NRXN1: variants seen among roughly 807,000 people sequenced by gnomAD.
NRXN1 encodes neurexin 1, also known as neurexin-1.
A neutral mutation model predicts 150.9 loss-of-function variants in NRXN1; 39 were observed. That is an observed-to-expected ratio of 0.26 (90% CI 0.20 to 0.34). NRXN1 has a LOEUF of 0.34. Ranked by LOEUF, NRXN1 falls within the 10% of genes least tolerant of loss-of-function variation. The probability of loss-of-function intolerance (pLI) is 1.00; values close to 1 mark genes in which losing one functional copy is unlikely to be tolerated. For synonymous variants in NRXN1, 924 were observed against 757.0 expected (o/e 1.22, Z -3.62); for missense variants, 1,815 against 1,949.9 (o/e 0.93, Z 1.30).
rs750648376 is a variant in NRXN1, at chr2:50,091,508, G to A, written c.3547-14C>T. On this transcript the variant is annotated splice_polypyrimidine_tract_variant and intron_variant, in intron 18 of 22. Coordinates refer to ENST00000401669, the MANE Select transcript of NRXN1 (RefSeq NM_001330078.2). ...TTTTCCCTGGTGCTGTAAGAGAGGA[G>A]GGGAAAAAAGAGTTGAATTAAGTTG... 7 of 1,613,490 alleles carry A rather than the reference G, an allele frequency of 4.3e-6. No individual in the cohort carries two copies. In the South Asian group the frequency reaches 4.4e-5, roughly 10 times the overall value.
rs201877009 is a variant in NRXN1 at position 51,018,951 on chromosome 2, T to C, written c.772+8551A>G. ...AAAGGAAGCAAATAAACAAGCGTTA[T>C]GAAAACAAAGAGTGATGAATTCTGA... On this transcript the variant is annotated intron_variant, in intron 2 of 22. Transcript: ENST00000401669. 4.6e-5 allele frequency among the ~76,000 whole-genome samples: 7 copies of C among 152,094 alleles called. No homozygotes were observed. In the East Asian group the frequency reaches 1.4e-3, roughly 29 times the overall value.
intron 17 of NRXN1, among the ~76,000 whole-genome samples, chr2:50,388,858 G>A (rs527810880): frequency 1.3e-5 from 2 of 150,990 alleles, no homozygotes; most frequent in Non-Finnish European, 2.9e-5. Flanking sequence ...TTATGCAACA[G>A]CAAAGTAAAA....
chr2:50,155,777 T>C (rs917566908), intron 18 of NRXN1, among the ~76,000 whole-genome samples: 1 of 151,592 alleles, frequency 6.6e-6, no homozygotes, highest in Non-Finnish European at 1.5e-5. Context: ...ATAAGTATGG[T>C]GTATTCATAT....
chr2:50,329,674 T>TA (rs1491185055), intron 17 of NRXN1, among the ~76,000 whole-genome samples: 38 of 11,380 alleles, frequency 3.3e-3, no homozygotes, highest in Non-Finnish European at 4.2e-3. Flanking sequence ...TATATATATA[T>TA]TTTTTTTTTT....
intron 17 of NRXN1, among the ~76,000 whole-genome samples, chr2:50,249,045 T>C (rs1320116456): frequency 6.6e-6 from 1 of 150,434 alleles, no homozygotes; most frequent in African/African-American, 2.5e-5. Flanking sequence ...TAGTCCTAGC[T>C]ACTTGGGAGG....
At position 50,403,829 on chromosome 2, in the gene NRXN1, T is replaced by G. The variant is rs1254418662; in HGVS notation, c.3364+61613A>C. On this transcript the variant is annotated intron_variant, in intron 17 of 22. Coordinates refer to ENST00000401669, the MANE Select transcript of NRXN1 (RefSeq NM_001330078.2). Reference sequence around the variant, plus strand: ...TTAGAAGAGATTTTAGAAAATAGACTCAAGTCTAAGCAGACGTTTGAAAAA... The same window carrying G: ...TTAGAAGAGATTTTAGAAAATAGACGCAAGTCTAAGCAGACGTTTGAAAAA... Among the ~76,000 whole-genome samples, 3 of 152,186 alleles carry G rather than the reference T, an allele frequency of 2.0e-5. No individual in the cohort carries two copies. The East Asian group carries it at 5.8e-4, about 29-fold the overall frequency.
intron 12 of NRXN1, among the ~76,000 whole-genome samples, chr2:50,509,402 C>T (rs1418480940): frequency 2.6e-5 from 4 of 152,170 alleles, no homozygotes; most frequent in South Asian, 2.1e-4. Context: ...AATACAATGT[C>T]TATCTAGGGA....
intron 5 of NRXN1, among the ~76,000 whole-genome samples, chr2:50,842,698 G>A (rs942585776): frequency 9.2e-5 from 14 of 152,114 alleles, no homozygotes; most frequent in African/African-American, 2.4e-5. Flanking sequence ...GTACATAAAT[G>A]ACCCCCAAAG....
Position 50,657,048 on chromosome 2 carries a change from CAAT to C in NRXN1, c.833-33436_833-33434del, listed in dbSNP as rs761540877. 1.2e-4 allele frequency among the ~76,000 whole-genome samples: 19 copies of C among 152,064 alleles called. No individual in the cohort carries two copies. The East Asian group carries it at 3.5e-3, about 28-fold the overall frequency. ...AAAAACTCTAAAGAAACATAGAAAACAATAACAACAACTTGTGTGGTTTCTCGT... is the reference window on the plus strand; with the variant it reads ...AAAAACTCTAAAGAAACATAGAAAACAACAACAACTTGTGTGGTTTCTCGT... On this transcript the variant is annotated intron_variant, in intron 5 of 22. Transcript: ENST00000401669.
chr2:50,345,343 C>A (rs1490930371), intron 17 of NRXN1, among the ~76,000 whole-genome samples: 2 of 152,106 alleles, frequency 1.3e-5, no homozygotes, highest in African/African-American at 4.8e-5. Context: ...AGGTGGGAAA[C>A]CCCCACCCCA....
Position 50,900,641 on chromosome 2 carries a change from T to C in NRXN1, c.832+21228A>G, listed in dbSNP as rs558458654. ...ATTAAAAGTAAAATTATTAAATAAATAGGGCTCTTCAATAGTAGGAAAATA... is the reference window on the plus strand; with the variant it reads ...ATTAAAAGTAAAATTATTAAATAAACAGGGCTCTTCAATAGTAGGAAAATA... On this transcript the variant is annotated intron_variant, in intron 5 of 22. Transcript: ENST00000401669. Among the ~76,000 whole-genome samples the C allele has an allele frequency of 5.8e-4, 88 of 152,212 alleles. 1 individual carries two copies. The highest frequency in any genetic ancestry group is 5.2e-3 in the South Asian group (25 of 4,820).
chr2:50,311,817 C>G (rs185093453), intron 17 of NRXN1, among the ~76,000 whole-genome samples: 14 of 152,118 alleles, frequency 9.2e-5, no homozygotes, highest in East Asian at 3.9e-4. Context: ...CTAACTGTCA[C>G]AACATTCAGG....
intron 9 of NRXN1, 77 bp downstream of exon 9, chr2:50,552,510 G>C: frequency 2.8e-6 from 3 of 1,084,324 alleles, no homozygotes; most frequent in Non-Finnish European, 4.1e-6. Context: ...AATATGTCTT[G>C]GTTTTCACTT....
At chr2:49,996,100 GGT>G (rs937714125) in intron 21 of NRXN1, among the ~76,000 whole-genome samples, 2 of 152,070 alleles carry the variant, frequency 1.3e-5, no homozygotes, top group Non-Finnish European at 2.9e-5. Flanking sequence ...AGGACCTTAT[GGT>G]GTAGAAGGGG....
chr2:50,072,551 T>C (rs1316971275), intron 19 of NRXN1, among the ~76,000 whole-genome samples: 2 of 148,622 alleles, frequency 1.3e-5, no homozygotes, highest in Admixed American at 6.7e-5. Context: ...AAAGAAAAAG[T>C]GATTTTGAGA....
At chr2:50,681,706 A>G (rs1690428030) in intron 5 of NRXN1, among the ~76,000 whole-genome samples, 1 of 152,176 alleles carries the variant, frequency 6.6e-6, no homozygotes. Context: ...AGGAAATAGA[A>G]GCTTTGCTTT....
chr2:50,440,054 G>C (rs1343033969), intron 17 of NRXN1, among the ~76,000 whole-genome samples: 3 of 152,122 alleles, frequency 2.0e-5, no homozygotes, highest in Non-Finnish European at 4.4e-5. Flanking sequence ...AGAGGAAAAA[G>C]GGAAAGATTT....
chr2:50,052,936 A>G (rs1692954916), intron 21 of NRXN1, among the ~76,000 whole-genome samples: 1 of 152,146 alleles, frequency 6.6e-6, no homozygotes, highest in African/African-American at 2.4e-5. Flanking sequence ...CAAATATTTC[A>G]TTAACTTGTT....
At chr2:50,578,655 T>C (rs1238738099) in intron 8 of NRXN1, among the ~76,000 whole-genome samples, 2 of 152,154 alleles carry the variant, frequency 1.3e-5, no homozygotes, top group Non-Finnish European at 2.9e-5. Context: ...ATCACATGTA[T>C]AGGCTTGTAT....
Sources: gnomAD v4.1 joint callset for allele counts (sites outside exome capture counted in the v4.1 genomes callset) on GRCh38, gnomAD v4.1.1 for gene constraint, MANE v1.5 for transcripts, NCBI Gene and HGNC (gene_info 2026-07-23, HGNC 2026-07-21) for gene names.